The following NELL1 variants were observed in gnomAD, a reference collection of about 807,000 sequenced individuals.
NELL1 encodes protein kinase C-binding protein NELL1.
Under a neutral mutation model 107.4 loss-of-function variants are expected in NELL1, and 76 were observed. That is an observed-to-expected ratio of 0.71 (90% CI 0.59 to 0.86). NELL1 has a LOEUF of 0.86. Ranked by LOEUF, NELL1 falls within the 40% of genes least tolerant of loss-of-function variation. The probability of loss-of-function intolerance (pLI) is 0.00; values close to 1 mark genes in which losing one functional copy is unlikely to be tolerated. For missense variants in NELL1, 1,024 were observed against 1,005.5 expected (o/e 1.02, Z -0.25); for synonymous variants, 353 against 341.2 (o/e 1.03, Z -0.38).
At chr11:21,409,958 TA>T (rs1852335731) in intron 15 of NELL1, among the ~76,000 whole-genome samples, 1 of 152,096 alleles carries the variant, frequency 6.6e-6, no homozygotes, top group Admixed American at 6.6e-5. Context: ...AAAATGAGTT[TA>T]AATTTTTTTA....
chr11:21,249,037 C>A (rs1244494872), intron 14 of NELL1, among the ~76,000 whole-genome samples: 1 of 152,122 alleles, frequency 6.6e-6, no homozygotes, highest in Non-Finnish European at 1.5e-5. Flanking sequence ...CCTCTATACC[C>A]AGCCCTGCCT....
chr11:20,834,092 G>A (rs747687552), intron 3 of NELL1, among the ~76,000 whole-genome samples: 1 of 152,212 alleles, frequency 6.6e-6, no homozygotes, highest in Non-Finnish European at 1.5e-5. Flanking sequence ...GAATAGATTG[G>A]AATGGGCCGG....
intron 12 of NELL1, among the ~76,000 whole-genome samples, chr11:20,991,319 G>A (rs569050693): frequency 4.6e-4 from 70 of 152,274 alleles, no homozygotes; most frequent in African/African-American, 1.6e-3. Flanking sequence ...CTGTTTTACT[G>A]CCACTGAGAT....
intron 15 of NELL1, among the ~76,000 whole-genome samples, chr11:21,496,139 T>C (rs1459726663): frequency 1.3e-5 from 2 of 152,014 alleles, no homozygotes; most frequent in Non-Finnish European, 2.9e-5. Flanking sequence ...TTATGTGTCC[T>C]TCTCAAAATT....
chr11:20,930,862 A>G (rs928805078), intron 9 of NELL1, among the ~76,000 whole-genome samples: 6 of 150,256 alleles, frequency 4.0e-5, no homozygotes, highest in African/African-American at 1.5e-4. Flanking sequence ...AGGTAGCACT[A>G]ATTTTCTCAC....
intron 2 of NELL1, among the ~76,000 whole-genome samples, chr11:20,682,913 T>TA (rs1423464984): frequency 6.6e-6 from 1 of 152,116 alleles, no homozygotes; most frequent in African/African-American, 2.4e-5. Flanking sequence ...TTGCAGCATG[T>TA]AAAGTGCTTT....
chr11:21,203,698 T>C (rs560552251), intron 13 of NELL1, among the ~76,000 whole-genome samples: 27 of 152,324 alleles, frequency 1.8e-4, no homozygotes, highest in African/African-American at 6.0e-4. Flanking sequence ...ATGTAGTTTC[T>C]TCATAGTGTT....
intron 5 of NELL1, among the ~76,000 whole-genome samples, chr11:20,916,330 G>T (rs1850255681): frequency 6.6e-6 from 1 of 151,954 alleles, no homozygotes; most frequent in Admixed American, 6.6e-5. Flanking sequence ...AGGTGTGAGA[G>T]CAGGTGATTT....
At chr11:20,778,776 T>C (rs1026871250) in intron 2 of NELL1, among the ~76,000 whole-genome samples, 5 of 151,972 alleles carry the variant, frequency 3.3e-5, no homozygotes, top group Non-Finnish European at 7.4e-5. Context: ...ACCCCCAGGG[T>C]TACAAAATGG....
chr11:21,517,153 A>T (rs7109216), intron 15 of NELL1, among the ~76,000 whole-genome samples: 45,596 of 149,344 alleles, frequency 0.31, 6,916 homozygotes, highest in Middle Eastern at 0.39. Context: ...TATTTGTCCT[A>T]TTACCTAGGA....
intron 13 of NELL1, among the ~76,000 whole-genome samples, chr11:21,213,229 A>AT (rs1224327603): frequency 9.9e-5 from 15 of 152,156 alleles, no homozygotes; most frequent in African/African-American, 3.1e-4. Context: ...ATAAAATATT[A>AT]TATAAGTAAA....
At chr11:20,709,744 T>C (rs1855064438) in intron 2 of NELL1, among the ~76,000 whole-genome samples, 1 of 152,114 alleles carries the variant, frequency 6.6e-6, no homozygotes, top group Admixed American at 6.6e-5. Context: ...TTTCCTCATA[T>C]AGATTTTTCA....
rs145574895 is a variant in NELL1 at position 21,204,773 on chromosome 11, G to T, written c.1427-24559G>T. Reference sequence around the variant, plus strand: ...TATTTATCTACCTTTGTTCTTTGATGTTGGAGACCTTTGGATGGGGTTTCT... The same window carrying T: ...TATTTATCTACCTTTGTTCTTTGATTTTGGAGACCTTTGGATGGGGTTTCT... On this transcript the variant is annotated intron_variant, in intron 13 of 19. Transcript: ENST00000357134. Among the ~76,000 whole-genome samples the T allele has an allele frequency of 7.4e-3, 1,129 of 152,170 alleles. 13 individuals carry two copies. Among genetic ancestry groups the T allele is most frequent in the African/African-American group, 0.025 (1,033 of 41,530 alleles).
chr11:20,894,139 G>A (rs1261269992), intron 5 of NELL1, among the ~76,000 whole-genome samples: 1 of 152,164 alleles, frequency 6.6e-6, no homozygotes, highest in Non-Finnish European at 1.5e-5. Context: ...TCAATTCCAA[G>A]TGGGCTATAG....
chr11:21,390,615 A>T lies in NELL1; in HGVS notation c.1645+19667A>T, dbSNP rs573817886. ...GTATTCAGTGTTTACCTTATTATGT[A>T]TATGTAAGCAATATTTATAGGTGAG... On this transcript the variant is annotated intron_variant, in intron 15 of 19. Coordinates refer to ENST00000357134, the MANE Select transcript of NELL1 (RefSeq NM_006157.5). 6.6e-5 allele frequency among the ~76,000 whole-genome samples: 10 copies of T among 151,738 alleles called. No homozygotes were observed. In the East Asian group the frequency reaches 1.8e-3, roughly 27 times the overall value.
intron 4 of NELL1, among the ~76,000 whole-genome samples, chr11:20,859,569 G>A (rs1420753736): frequency 6.6e-6 from 1 of 152,174 alleles, no homozygotes; most frequent in African/African-American, 2.4e-5. Context: ...TGTTACGTAT[G>A]TGGTTTTACA....
At chr11:20,707,505 C>G (rs2105805) in intron 2 of NELL1, among the ~76,000 whole-genome samples, 67,722 of 152,084 alleles carry the variant, frequency 0.45, 16,742 homozygotes, top group Middle Eastern at 0.61. Context: ...GTGGTTTTAT[C>G]TACCTTTGGT....
At chr11:20,954,808 A>G (rs577675181) in intron 11 of NELL1, among the ~76,000 whole-genome samples, 1 of 152,302 alleles carries the variant, frequency 6.6e-6, no homozygotes, top group African/African-American at 2.4e-5. Flanking sequence ...TTGAAATACA[A>G]TTTACTCAAC....
Position 21,570,345 on chromosome 11 carries a change from C to T in NELL1, c.1981-419C>T, listed in dbSNP as rs112609043. On this transcript the variant is annotated intron_variant, in intron 17 of 19. Coordinates refer to ENST00000357134, the MANE Select transcript of NELL1 (RefSeq NM_006157.5). ...AAGGGCATAATCAGACTTCCTTTCA[C>T]GGTTGGGACAGGGATATAGTTAGAT... 4.5e-4 allele frequency among the ~76,000 whole-genome samples: 68 copies of T among 151,674 alleles called. 1 individual carries two copies. The highest frequency in any genetic ancestry group is 1.5e-3 in the African/African-American group (64 of 41,352).
Sources: gnomAD v4.1 joint callset for allele counts (sites outside exome capture counted in the v4.1 genomes callset) on GRCh38, gnomAD v4.1.1 for gene constraint, MANE v1.5 for transcripts, NCBI Gene and HGNC (gene_info 2026-07-23, HGNC 2026-07-21) for gene names.